Variants in SLC35F4 observed in about 807,000 individuals in gnomAD.
The protein encoded by SLC35F4 is chromosome 14 open reading frame 36.
Under a neutral mutation model 44.2 loss-of-function variants are expected in SLC35F4, and 24 were observed. That is an observed-to-expected ratio of 0.54 (90% confidence interval 0.39 to 0.76). The LOEUF (loss-of-function observed/expected upper bound fraction) is 0.76, where lower values mean the gene tolerates loss of function less well. Ranked by LOEUF, SLC35F4 falls within the 30% of genes least tolerant of loss-of-function variation. The probability of loss-of-function intolerance (pLI) is 0.00; values close to 1 mark genes in which losing one functional copy is unlikely to be tolerated. For missense variants in SLC35F4, 562 were observed against 586.1 expected (o/e 0.96, Z 0.42); for synonymous variants, 238 against 223.6 (o/e 1.06, Z -0.57).
chr14:57,758,824 A>G (rs2077056310), intron 1 of SLC35F4, among the ~76,000 whole-genome samples: 1 of 152,198 alleles, frequency 6.6e-6, no homozygotes, highest in Admixed American at 6.5e-5. Context: ...TATTGTATAG[A>G]AGATCTCTAG....
chr14:57,849,254 T>C (rs1472565281), intron 1 of SLC35F4, among the ~76,000 whole-genome samples: 1 of 152,204 alleles, frequency 6.6e-6, no homozygotes, highest in Non-Finnish European at 1.5e-5. Context: ...CTCCGCCTCC[T>C]GGGTTCAAGC....
Position 57,955,749 on chromosome 14 carries a change from C to G in SLC35F4, n.282+26164G>C, listed in dbSNP as rs150078263. 3.3e-4 allele frequency among the ~76,000 whole-genome samples: 51 copies of G among 152,282 alleles called. No homozygotes were observed. In the East Asian group the frequency reaches 8.3e-3, roughly 25 times the overall value. On this transcript the variant is annotated intron_variant and non_coding_transcript_variant, in intron 1 of 1. Transcript: ENST00000556568. ...AACTTACAACGGATGTGAAGGACCT[C>G]TTCAAGAAGAACTACAAACCACTGC... is the stretch of plus-strand genomic sequence containing the variant.
chr14:57,795,503 A>C (rs527485415), intron 1 of SLC35F4, among the ~76,000 whole-genome samples: 1 of 152,216 alleles, frequency 6.6e-6, no homozygotes, highest in Non-Finnish European at 1.5e-5. Context: ...CAAATCATTT[A>C]GCCAGTCTGC....
chr14:57,856,361 T>C (rs1402209348), intron 1 of SLC35F4, among the ~76,000 whole-genome samples: 1 of 152,082 alleles, frequency 6.6e-6, no homozygotes, highest in Non-Finnish European at 1.5e-5. Context: ...AGTATAGACC[T>C]AGGTCTTTCT....
chr14:57,689,472 C>G (rs1453180287), intron 1 of SLC35F4, among the ~76,000 whole-genome samples: 2 of 152,108 alleles, frequency 1.3e-5, no homozygotes, highest in East Asian at 3.8e-4. Flanking sequence ...AACAACAGAG[C>G]AGGAAGAACA....
chr14:57,571,027 A>C (rs1426394316), intron 5 of SLC35F4, among the ~76,000 whole-genome samples: 1 of 152,146 alleles, frequency 6.6e-6, no homozygotes, highest in Non-Finnish European at 1.5e-5. Flanking sequence ...ATGGAAATAG[A>C]CTTCATGCCC....
At chr14:57,906,412 CT>C (rs1264899242) in intron 1 of SLC35F4, among the ~76,000 whole-genome samples, 1 of 152,120 alleles carries the variant, frequency 6.6e-6, no homozygotes, top group Non-Finnish European at 1.5e-5. Flanking sequence ...ATGCCCCATT[CT>C]TTTTTAAGTT....
chr14:57,696,533 A>G (rs1022356424), intron 1 of SLC35F4, among the ~76,000 whole-genome samples: 1 of 152,248 alleles, frequency 6.6e-6, no homozygotes, highest in Non-Finnish European at 1.5e-5. Context: ...CTAGAACAAG[A>G]AATACCATTT....
chr14:57,617,435 G>A (rs2071908748), intron 1 of SLC35F4, among the ~76,000 whole-genome samples: 1 of 151,788 alleles, frequency 6.6e-6, no homozygotes, highest in South Asian at 2.1e-4. Context: ...TGGCCTAACT[G>A]TAGTTATTCT....
intron 1 of SLC35F4, among the ~76,000 whole-genome samples, chr14:57,648,269 G>T (rs2073629799): frequency 6.6e-6 from 1 of 152,074 alleles, no homozygotes; most frequent in Non-Finnish European, 1.5e-5. Flanking sequence ...CTCAAAAATG[G>T]AATTGATGAG....
At chr14:57,962,594 G>A (rs112046705) in intron 1 of SLC35F4, among the ~76,000 whole-genome samples, 12 of 152,332 alleles carry the variant, frequency 7.9e-5, no homozygotes, top group African/African-American at 1.9e-4. Flanking sequence ...CAACCTGCAC[G>A]ATCATAAGCA....
At chr14:57,798,486 C>A (rs2140841694) in intron 1 of SLC35F4, among the ~76,000 whole-genome samples, 1 of 152,236 alleles carries the variant, frequency 6.6e-6, no homozygotes. Context: ...AAAACTAGTT[C>A]AAAAATCTAA....
intron 1 of SLC35F4, among the ~76,000 whole-genome samples, chr14:57,859,944 G>A (rs1009551918): frequency 6.6e-6 from 1 of 152,208 alleles, no homozygotes; most frequent in African/African-American, 2.4e-5. Flanking sequence ...TGTGTGACAT[G>A]ACTGGAGGAC....
rs148550347 is a variant in SLC35F4, at chr14:57,770,941, T to C, written c.103+94782A>G. Among the ~76,000 whole-genome samples, 5 of 152,318 alleles carry C rather than the reference T, an allele frequency of 3.3e-5. No homozygotes were observed. The East Asian group carries it at 5.8e-4, about 18-fold the overall frequency. ...GATTTCTTCACTTCAAATGTCTTAA[T>C]ATGAAAAACTGAGGCACTAGTATTT... On this transcript the variant is annotated intron_variant, in intron 1 of 7. Coordinates refer to ENST00000556826, the MANE Select transcript of SLC35F4 (RefSeq NM_001306087.2).
At position 57,610,258 on chromosome 14, in the gene SLC35F4, G is replaced by A. The variant is rs143750174; in HGVS notation, c.104-16134C>T. Among the ~76,000 whole-genome samples the A allele has an allele frequency of 3.5e-3, 537 of 152,274 alleles. 1 individual carries two copies. The highest frequency in any genetic ancestry group is 0.014 in the Middle Eastern group (4 of 294). ...TAAATTATAACCCAATATGAAATGT[G>A]CTAATATAATGACAAATCCTGGGAT... On this transcript the variant is annotated intron_variant, in intron 1 of 7. Coordinates refer to ENST00000556826, the MANE Select transcript of SLC35F4 (RefSeq NM_001306087.2).
chr14:57,580,115 G>GTCT (rs937484822), intron 4 of SLC35F4, among the ~76,000 whole-genome samples: 2 of 152,230 alleles, frequency 1.3e-5, no homozygotes, highest in African/African-American at 4.8e-5. Flanking sequence ...TTCTGATTTT[G>GTCT]TCTTCTATCA....
chr14:57,856,069 T>A (rs1480814201), intron 1 of SLC35F4, among the ~76,000 whole-genome samples: 1 of 151,884 alleles, frequency 6.6e-6, no homozygotes, highest in African/African-American at 2.4e-5. Context: ...TGCAATGGCA[T>A]GGTCTTGGCT....
At chr14:57,567,307 C>G (rs730651) in intron 6 of SLC35F4, among the ~76,000 whole-genome samples, 7 of 152,022 alleles carry the variant, frequency 4.6e-5, no homozygotes, top group Admixed American at 3.3e-4. Flanking sequence ...GCATTATTCT[C>G]ATAGAGTCTA....
intron 1 of SLC35F4, among the ~76,000 whole-genome samples, chr14:57,728,594 G>A (rs1225146196): frequency 6.6e-6 from 1 of 151,518 alleles, no homozygotes; most frequent in Admixed American, 6.6e-5. Context: ...AATTACAGGG[G>A]TAATTCCACT....
Sources: allele counts gnomAD v4.1 joint callset (sites outside exome capture counted in the v4.1 genomes callset), GRCh38; gene constraint gnomAD v4.1.1; transcripts MANE v1.5; gene names NCBI Gene and HGNC (gene_info 2026-07-23, HGNC 2026-07-21).